Variants in CACNB2 observed in about 807,000 individuals in gnomAD.
CACNB2 encodes the protein voltage-dependent L-type calcium channel subunit beta-2.
CACNB2 carries 42 observed loss-of-function variants against 73.3 expected under a neutral mutation model. The observed-to-expected ratio is 0.57, with a 90% confidence interval of 0.45 to 0.74. CACNB2 has a LOEUF of 0.74. Ranked by LOEUF, CACNB2 falls within the 30% of genes least tolerant of loss-of-function variation. CACNB2 has a pLI of 0.00. For missense variants in CACNB2, 940 were observed against 853.0 expected (o/e 1.10, Z -1.27); for synonymous variants, 348 against 310.3 (o/e 1.12, Z -1.28).
At chr10:18,176,550 A>T (rs17662793) in intron 2 of CACNB2, among the ~76,000 whole-genome samples, 3 of 151,588 alleles carry the variant, frequency 2.0e-5, no homozygotes, top group African/African-American at 7.3e-5. Flanking sequence ...GAAGCTACAG[A>T]AGAGGGAAAG....
intron 2 of CACNB2, among the ~76,000 whole-genome samples, chr10:18,301,315 G>C (rs1182531813): frequency 6.6e-6 from 1 of 152,124 alleles, no homozygotes; most frequent in East Asian, 1.9e-4. Context: ...CATCTTTTCT[G>C]CCTTGATAAA....
chr10:18,265,357 T>C (rs2037748196), intron 2 of CACNB2, among the ~76,000 whole-genome samples: 1 of 152,098 alleles, frequency 6.6e-6, no homozygotes, highest in Non-Finnish European at 1.5e-5. Flanking sequence ...GGTCTTGAAA[T>C]CCTGCCCTTG....
intron 2 of CACNB2, among the ~76,000 whole-genome samples, chr10:18,196,579 A>C (rs1289215474): frequency 6.6e-6 from 1 of 152,222 alleles, no homozygotes; most frequent in African/African-American, 2.4e-5. Flanking sequence ...CAACCTCCCG[A>C]AGTGATGGGA....
intron 2 of CACNB2, among the ~76,000 whole-genome samples, chr10:18,270,933 T>A (rs1465846221): frequency 1.3e-5 from 2 of 152,220 alleles, no homozygotes; most frequent in Non-Finnish European, 2.9e-5. Flanking sequence ...ATCAAATTTT[T>A]ACTCTTTCAC....
intron 3 of CACNB2, among the ~76,000 whole-genome samples, chr10:18,403,128 C>T (rs2044094948): frequency 6.6e-6 from 1 of 152,100 alleles, no homozygotes; most frequent in Admixed American, 6.5e-5. Flanking sequence ...TCTTACCTCG[C>T]CTGGCAGGGA....
At position 18,443,210 on chromosome 10, in the gene CACNB2, G is replaced by A. The variant is rs1455797294; in HGVS notation, c.333+41167G>A. Reference sequence around the variant, plus strand: ...ATCCCCAATTCAGTGCCTGAATGCTGACGGGTGCTACACAGACAGTGAATC... The same window carrying A: ...ATCCCCAATTCAGTGCCTGAATGCTAACGGGTGCTACACAGACAGTGAATC... On this transcript the variant is annotated intron_variant, in intron 3 of 13. Transcript: ENST00000324631. Among the ~76,000 whole-genome samples the A allele has an allele frequency of 2.6e-5, 4 of 151,804 alleles. No homozygotes were observed. The East Asian group carries it at 5.8e-4, about 22-fold the overall frequency.
chr10:18,324,482 A>G (rs1043087768), intron 2 of CACNB2, among the ~76,000 whole-genome samples: 3 of 152,256 alleles, frequency 2.0e-5, no homozygotes, highest in African/African-American at 7.2e-5. Flanking sequence ...GACATAAATA[A>G]GCCAATTGGG....
intron 2 of CACNB2, among the ~76,000 whole-genome samples, chr10:18,175,050 A>G (rs1201962291): frequency 3.3e-5 from 5 of 152,196 alleles, no homozygotes; most frequent in African/African-American, 1.2e-4. Context: ...CCAGAGATTA[A>G]CAAGACTATT....
chr10:18,267,520 C>G (rs1463634933), intron 2 of CACNB2, among the ~76,000 whole-genome samples: 1 of 152,110 alleles, frequency 6.6e-6, no homozygotes, highest in African/African-American at 2.4e-5. Flanking sequence ...GCATGAGAAT[C>G]ACTTGAACCC....
chr10:18,350,346 C>T (rs2041655281), intron 2 of CACNB2, among the ~76,000 whole-genome samples: 1 of 152,222 alleles, frequency 6.6e-6, no homozygotes, highest in Non-Finnish European at 1.5e-5. Flanking sequence ...TAAAGCATCT[C>T]AGCACAGTCA....
At chr10:18,405,148 A>G (rs1241122910) in intron 3 of CACNB2, among the ~76,000 whole-genome samples, 2 of 152,200 alleles carry the variant, frequency 1.3e-5, no homozygotes, top group Non-Finnish European at 2.9e-5. Context: ...TTTAAAGTGT[A>G]TAATTCAGTG....
intron 3 of CACNB2, among the ~76,000 whole-genome samples, chr10:18,417,200 A>AT (rs11285102): frequency 1.3e-5 from 2 of 150,948 alleles, no homozygotes; most frequent in Admixed American, 6.6e-5. Context: ...TCTTCGTGCA[A>AT]TTTTTTTTTG....
At chr10:18,194,757 G>A (rs2034553986) in intron 2 of CACNB2, among the ~76,000 whole-genome samples, 1 of 152,146 alleles carries the variant, frequency 6.6e-6, no homozygotes, top group Admixed American at 6.5e-5. Flanking sequence ...ATCTTTGCAG[G>A]CCTTTTACAA....
At chr10:18,400,471 CAT>C (rs1277467439) in intron 2 of CACNB2, 10 of 537,020 alleles carry the variant, frequency 1.9e-5, no homozygotes, top group Non-Finnish European at 4.8e-6. Context: ...GGCAATTTGA[CAT>C]AGACTAACAG....
intron 2 of CACNB2, among the ~76,000 whole-genome samples, chr10:18,208,088 T>C (rs2035168590): frequency 2.0e-5 from 3 of 152,200 alleles, no homozygotes; most frequent in South Asian, 4.1e-4. Flanking sequence ...AAAAACACTT[T>C]AACACAAATG....
At chr10:18,307,778 T>C (rs77789707) in intron 2 of CACNB2, among the ~76,000 whole-genome samples, 1 of 152,030 alleles carries the variant, frequency 6.6e-6, no homozygotes, top group Non-Finnish European at 1.5e-5. Context: ...GGAGCTTATC[T>C]CTTAATAAAA....
intron 2 of CACNB2, among the ~76,000 whole-genome samples, chr10:18,283,128 C>T (rs903784861): frequency 2.0e-4 from 30 of 152,196 alleles, no homozygotes; most frequent in Non-Finnish European, 3.5e-4. Flanking sequence ...GAGATACTAT[C>T]TCACACCAGT....
At chr10:18,466,241 A>G (rs746778863) in intron 3 of CACNB2, among the ~76,000 whole-genome samples, 10 of 151,908 alleles carry the variant, frequency 6.6e-5, no homozygotes, top group Non-Finnish European at 8.8e-5. Flanking sequence ...TAATCTATAT[A>G]TTTTTTATTT....
intron 10 of CACNB2, among the ~76,000 whole-genome samples, chr10:18,530,853 A>G (rs17621077): frequency 0.13 from 19,382 of 152,148 alleles, 1,546 homozygotes; most frequent in Middle Eastern, 0.24. Context: ...AAGAGGTTCA[A>G]TATGTTACCC....
Sources: gnomAD v4.1 joint callset for allele counts (sites outside exome capture counted in the v4.1 genomes callset) on GRCh38, gnomAD v4.1.1 for gene constraint, MANE v1.5 for transcripts, NCBI Gene and HGNC (gene_info 2026-07-23, HGNC 2026-07-21) for gene names.